The following NKAIN3 variants were observed in gnomAD, a reference collection of about 807,000 sequenced individuals.
NKAIN3 encodes the protein sodium/potassium transporting ATPase interacting 3, also known as sodium/potassium-transporting ATPase subunit beta-1-interacting protein 3.
A neutral mutation model predicts 30.2 loss-of-function variants in NKAIN3; 25 were observed. The ratio of observed to expected loss-of-function variants is 0.83; its 90% CI spans 0.60 to 1.16. The LOEUF (loss-of-function observed/expected upper bound fraction) is 1.16, where lower values mean the gene tolerates loss of function less well. Among genes scored for constraint, NKAIN3 ranks in the 50% most tolerant of loss-of-function variants. NKAIN3 has a pLI of 0.00. For synonymous variants in NKAIN3, 91 were observed against 89.6 expected (o/e 1.02, Z -0.09); for missense variants, 225 against 254.1 (o/e 0.89, Z 0.78).
chr8:62,482,322 G>A (rs561107861), intron 1 of NKAIN3: 9 of 152,446 alleles, frequency 5.9e-5, no homozygotes, highest in African/African-American at 2.2e-4. Flanking sequence ...AGTCCAAAGG[G>A]AGAGGGAAGG....
intron 3 of NKAIN3, among the ~76,000 whole-genome samples, chr8:62,600,173 A>G (rs1795742701): frequency 6.6e-6 from 1 of 151,994 alleles, no homozygotes. Context: ...ACTTATCTTG[A>G]AAGGTTTGGT....
At chr8:62,650,973 C>T (rs1812603907) in intron 3 of NKAIN3, among the ~76,000 whole-genome samples, 1 of 151,968 alleles carries the variant, frequency 6.6e-6, no homozygotes, top group African/African-American at 2.4e-5. Flanking sequence ...GACTTTTTAA[C>T]AAGAATTCTT....
chr8:62,807,559 T>TG, intron 4 of NKAIN3, among the ~76,000 whole-genome samples: 1 of 148,528 alleles, frequency 6.7e-6, no homozygotes, highest in Non-Finnish European at 1.5e-5. Context: ...TTTTCTGGTT[T>TG]TTTTTTTTTT....
At chr8:62,817,847 T>A (rs1026651963) in intron 4 of NKAIN3, among the ~76,000 whole-genome samples, 3 of 152,168 alleles carry the variant, frequency 2.0e-5, no homozygotes, top group Admixed American at 2.0e-4. Flanking sequence ...CAGACCAGGG[T>A]CCAGCAGGTC....
intron 4 of NKAIN3, among the ~76,000 whole-genome samples, chr8:62,838,492 T>C (rs979206019): frequency 6.6e-6 from 1 of 152,014 alleles, no homozygotes; most frequent in African/African-American, 2.4e-5. Flanking sequence ...GTAGCTAGAA[T>C]AACTCTCAAA....
intron 1 of NKAIN3, among the ~76,000 whole-genome samples, chr8:62,435,452 TA>T (rs76170755): frequency 5.9e-5 from 9 of 151,986 alleles, no homozygotes; most frequent in African/African-American, 2.2e-4. Context: ...ATACTAAAAA[TA>T]AAAAGATGTA....
At chr8:62,539,685 G>C (rs185797862) in intron 1 of NKAIN3, among the ~76,000 whole-genome samples, 445 of 152,252 alleles carry the variant, frequency 2.9e-3, no homozygotes, top group African/African-American at 9.3e-3. Context: ...GATCGCGTGA[G>C]CTCAAGCAAT....
At chr8:62,996,853 G>A (rs72658314) in intron 5 of NKAIN3, among the ~76,000 whole-genome samples, 31,680 of 152,162 alleles carry the variant, frequency 0.21, 4,213 homozygotes, top group South Asian at 0.34. Flanking sequence ...CAAAGGGTGG[G>A]CTCCCATGGC....
intron 1 of NKAIN3, among the ~76,000 whole-genome samples, chr8:62,275,891 A>G (rs1812937112): frequency 6.6e-6 from 1 of 152,084 alleles, no homozygotes; most frequent in Non-Finnish European, 1.5e-5. Context: ...ATGCATTTTT[A>G]GATGCTTAAG....
chr8:62,357,641 C>A (rs1057281363), intron 1 of NKAIN3, among the ~76,000 whole-genome samples: 3 of 152,018 alleles, frequency 2.0e-5, no homozygotes, highest in Admixed American at 2.0e-4. Context: ...AAACGCAAGC[C>A]CATAAAATAA....
At chr8:62,890,432 T>A (rs924968869) in intron 4 of NKAIN3, among the ~76,000 whole-genome samples, 1 of 152,236 alleles carries the variant, frequency 6.6e-6, no homozygotes, top group Non-Finnish European at 1.5e-5. Context: ...AGGATGCAGG[T>A]CACAATTCTC....
At chr8:62,276,997 G>A (rs1162351803) in intron 1 of NKAIN3, among the ~76,000 whole-genome samples, 8 of 151,984 alleles carry the variant, frequency 5.3e-5, no homozygotes, top group Non-Finnish European at 7.4e-5. Flanking sequence ...AATTCTGTAA[G>A]TTTTTGGCAT....
intron 3 of NKAIN3, among the ~76,000 whole-genome samples, chr8:62,700,330 G>A (rs1409842903): frequency 6.6e-6 from 1 of 152,214 alleles, no homozygotes; most frequent in Non-Finnish European, 1.5e-5. Flanking sequence ...AGAACCTGAA[G>A]ACCACGCAGA....
At position 62,277,455 on chromosome 8, in the gene NKAIN3, C is replaced by T. The variant is rs193036857; in HGVS notation, c.54+28328C>T. ...CCACTCCTAATCCCTCTGAATTGCCCGGTGTTGCAAACCCTCCTTCTGTGG... is the reference window on the plus strand; with the variant it reads ...CCACTCCTAATCCCTCTGAATTGCCTGGTGTTGCAAACCCTCCTTCTGTGG... On this transcript the variant is annotated intron_variant, in intron 1 of 6. Transcript: ENST00000623646. 2.0e-3 allele frequency among the ~76,000 whole-genome samples: 306 copies of T among 152,156 alleles called. 1 individual carries two copies. The highest frequency in any genetic ancestry group is 7.0e-3 in the African/African-American group (290 of 41,476).
intron 4 of NKAIN3, among the ~76,000 whole-genome samples, chr8:62,842,388 C>A (rs1819560479): frequency 6.6e-6 from 1 of 151,696 alleles, no homozygotes; most frequent in Non-Finnish European, 1.5e-5. Context: ...GAAAAATATC[C>A]CATCTCTATG....
At chr8:62,615,020 C>A (rs1261615501) in intron 3 of NKAIN3, among the ~76,000 whole-genome samples, 1 of 152,148 alleles carries the variant, frequency 6.6e-6, no homozygotes, top group Admixed American at 6.5e-5. Context: ...ACCTAAGGTG[C>A]AAGACAAAGT....
intron 1 of NKAIN3, among the ~76,000 whole-genome samples, chr8:62,316,437 C>T (rs1814631580): frequency 6.6e-6 from 1 of 151,778 alleles, no homozygotes; most frequent in African/African-American, 2.4e-5. Context: ...CCTCCTCCCA[C>T]CCCACAACAG....
intron 1 of NKAIN3, among the ~76,000 whole-genome samples, chr8:62,398,608 C>G (rs13277864): frequency 0.42 from 64,465 of 152,012 alleles, 15,722 homozygotes; most frequent in Non-Finnish European, 0.54. Context: ...ACGTTACAAG[C>G]CTCAATAGGG....
At chr8:62,795,996 G>C (rs1817849118) in intron 4 of NKAIN3, among the ~76,000 whole-genome samples, 1 of 152,030 alleles carries the variant, frequency 6.6e-6, no homozygotes, top group Non-Finnish European at 1.5e-5. Context: ...CTTTTTAAAA[G>C]TGTTGATTTG....
Sources: gnomAD v4.1 joint callset for allele counts (sites outside exome capture counted in the v4.1 genomes callset) on GRCh38, gnomAD v4.1.1 for gene constraint, MANE v1.5 for transcripts, NCBI Gene and HGNC (gene_info 2026-07-23, HGNC 2026-07-21) for gene names.